The following TLK2 variants were observed in gnomAD, a reference collection of about 807,000 sequenced individuals.
TLK2 encodes tousled like kinase 2, also known as serine/threonine-protein kinase tousled-like 2.
Under a neutral mutation model 117.3 loss-of-function variants are expected in TLK2, and 6 were observed. The ratio of observed to expected loss-of-function variants is 0.05; its 90% confidence interval spans 0.03 to 0.10. The LOEUF (loss-of-function observed/expected upper bound fraction) is 0.10, where lower values mean the gene tolerates loss of function less well. TLK2 is among the 10% of genes least tolerant of loss of function. The probability of loss-of-function intolerance (pLI) is 1.00; values close to 1 mark genes in which losing one functional copy is unlikely to be tolerated. For synonymous variants in TLK2, 257 were observed against 316.7 expected (o/e 0.81, Z 2.00); for missense variants, 299 against 901.2 (o/e 0.33, Z 8.56).
At chr17:62,578,682 C>A in intron 14 of TLK2, 108 bp downstream of exon 14, 1 of 821,338 alleles carries the variant, frequency 1.2e-6, no homozygotes, top group South Asian at 1.7e-5. Context: ...ATAAATGATT[C>A]CATGGTGTAT....
intron 13 of TLK2, among the ~76,000 whole-genome samples, chr17:62,577,328 A>G (rs2080885008): frequency 6.6e-6 from 1 of 152,106 alleles, no homozygotes; most frequent in Admixed American, 6.6e-5. Context: ...CTAGTGATCT[A>G]TCAGCAGATA....
rs146006467 is a variant in TLK2 at position 62,562,097 on chromosome 17, C to T, written c.831+1971C>T. ...TAAATGGACTGGGTGTGGTGGCTCA[C>T]GCCTGTAATCCCAGCACTTTGGGAG... On this transcript the variant is annotated intron_variant, in intron 10 of 21. Coordinates refer to ENST00000346027, the MANE Select transcript of TLK2 (RefSeq NM_006852.6). 2.4e-3 allele frequency among the ~76,000 whole-genome samples: 365 copies of T among 152,276 alleles called. 1 individual carries two copies. The highest frequency in any genetic ancestry group is 8.1e-3 in the African/African-American group (335 of 41,554).
At chr17:62,477,222 C>G (rs1382971465), upstream of TLK2, among the ~76,000 whole-genome samples, 2 of 152,196 alleles carry the variant, frequency 1.3e-5, no homozygotes, top group Non-Finnish European at 2.9e-5. Context: ...TTCTACCGCC[C>G]TAACAGGCAG....
At chr17:62,538,235 C>T (rs1168247223) in intron 7 of TLK2, among the ~76,000 whole-genome samples, 1 of 151,616 alleles carries the variant, frequency 6.6e-6, no homozygotes, top group Non-Finnish European at 1.5e-5. Flanking sequence ...TGGGGTTTCA[C>T]CATGTTAGCC....
intron 6 of TLK2, among the ~76,000 whole-genome samples, chr17:62,534,082 T>C (rs963557204): frequency 2.8e-4 from 43 of 152,226 alleles, no homozygotes; most frequent in African/African-American, 1.0e-3. Context: ...TTTTAGTTAA[T>C]GTAACATTGT....
intron 9 of TLK2, among the ~76,000 whole-genome samples, chr17:62,558,893 G>A (rs1303824694): frequency 3.3e-5 from 5 of 152,146 alleles, no homozygotes; most frequent in Admixed American, 6.5e-5. Context: ...ATTGAGTATC[G>A]TGTGATATCT....
At chr17:62,591,540 G>T (rs1224746963) in intron 16 of TLK2, among the ~76,000 whole-genome samples, 1 of 152,102 alleles carries the variant, frequency 6.6e-6, no homozygotes, top group African/African-American at 2.4e-5. Context: ...GTGTCCCCAG[G>T]GTAGTGTGTG....
rs2083926588 is a variant in TLK2 at position 62,613,388 on chromosome 17, C to G, written c.*823C>G. ...TAGAAGACTGCAGCTTGGAGTCTCT[C>G]TAGGTTTTCAACTATTTCTTCACAA... is the stretch of plus-strand genomic sequence containing the variant. On this transcript the variant is annotated 3_prime_UTR_variant, in exon 22 of 22. Coordinates refer to ENST00000346027, the MANE Select transcript of TLK2 (RefSeq NM_006852.6). The G allele has an allele frequency of 6.6e-6, 1 of 152,604 alleles. No homozygotes were observed. The highest frequency in any genetic ancestry group is 2.4e-5 in the African/African-American group (1 of 41,426). 9.5% of individuals were successfully genotyped at this position (152,604 alleles called of 1,614,324 possible).
At chr17:62,539,637 G>T (rs2077365431) in intron 7 of TLK2, among the ~76,000 whole-genome samples, 1 of 151,868 alleles carries the variant, frequency 6.6e-6, no homozygotes, top group Admixed American at 6.6e-5. Context: ...TGGCTACCAC[G>T]CCTGGCTGAT....
chr17:62,516,036 T>C (rs2075555112), intron 2 of TLK2, among the ~76,000 whole-genome samples: 1 of 152,206 alleles, frequency 6.6e-6, no homozygotes, highest in Non-Finnish European at 1.5e-5. Flanking sequence ...GTGATTCTCC[T>C]GCCTCAGCCT....
At chr17:62,487,999 G>A (rs952599784) in intron 2 of TLK2, among the ~76,000 whole-genome samples, 1 of 151,968 alleles carries the variant, frequency 6.6e-6, no homozygotes, top group Admixed American at 6.6e-5. Context: ...GAGTGCAGTG[G>A]CATGATCTCT....
At chr17:62,567,707 T>C (rs2079910555) in intron 11 of TLK2, among the ~76,000 whole-genome samples, 1 of 152,178 alleles carries the variant, frequency 6.6e-6, no homozygotes, top group Non-Finnish European at 1.5e-5. Flanking sequence ...AGCTGAACAC[T>C]AACAACACTA....
At chr17:62,552,426 G>A in intron 8 of TLK2, 29 bp downstream of exon 8, 1 of 1,614,010 alleles carries the variant, frequency 6.2e-7, no homozygotes, top group Non-Finnish European at 8.5e-7. Flanking sequence ...ATCAATTGAG[G>A]GGCATACCTG....
chr17:62,608,139 T>C lies in TLK2; in HGVS notation c.2070T>C (p.Pro690=), dbSNP rs1437572274. The C allele has an allele frequency of 6.2e-7, 1 of 1,612,858 alleles. No individual in the cohort carries two copies. Among genetic ancestry groups the C allele is most frequent in the East Asian group, 2.2e-5 (1 of 44,880 alleles). ...VQFPPKPVVT[P]EAKAFIRRCL... ...TCCCGCCAAAGCCAGTAGTAACACC[T>C]GAAGCAAAGGTAAGTTTTGTTTGAC... Residue 690 remains proline (P), a synonymous_variant, in exon 21 of 22, where the codon CCT becomes CCC. Transcript: ENST00000346027.
chr17:62,593,217 C>T (rs1049301222), intron 16 of TLK2, among the ~76,000 whole-genome samples: 2 of 152,132 alleles, frequency 1.3e-5, no homozygotes, highest in African/African-American at 2.4e-5. Context: ...AAAAATGGTA[C>T]ACCCGTACCA....
At chr17:62,595,218 T>A (rs2082381782) in intron 16 of TLK2, among the ~76,000 whole-genome samples, 1 of 151,298 alleles carries the variant, frequency 6.6e-6, no homozygotes, top group Admixed American at 6.6e-5. Flanking sequence ...CGACCTCAGG[T>A]GATCCACCCG....
intron 16 of TLK2, among the ~76,000 whole-genome samples, chr17:62,594,957 G>A (rs941397754): frequency 1.8e-4 from 28 of 152,078 alleles, no homozygotes; most frequent in African/African-American, 6.0e-4. Context: ...CAGTGGTGCC[G>A]ACCAGGAATT....
chr17:62,485,944 C>T (rs1254676444), intron 2 of TLK2, among the ~76,000 whole-genome samples: 4 of 151,806 alleles, frequency 2.6e-5, no homozygotes, highest in Non-Finnish European at 5.9e-5. Context: ...CCTCAGCCTC[C>T]CGAGTAGCTG....
At chr17:62,548,291 T>C (rs1240016062) in intron 7 of TLK2, among the ~76,000 whole-genome samples, 1 of 149,218 alleles carries the variant, frequency 6.7e-6, no homozygotes, top group East Asian at 2.0e-4. Flanking sequence ...TTATTTTTAT[T>C]TTTTTTTTGA....
Sources: allele counts gnomAD v4.1 joint callset (sites outside exome capture counted in the v4.1 genomes callset), GRCh38; gene constraint gnomAD v4.1.1; transcripts MANE v1.5; gene names NCBI Gene and HGNC (gene_info 2026-07-23, HGNC 2026-07-21).